RAP1GDS1: variants seen among roughly 807,000 people sequenced by gnomAD.
RAP1GDS1 encodes RAP1, GTP-GDP dissociation stimulator 1.
In RAP1GDS1, 35 loss-of-function variants were observed where a neutral mutation model predicts 71.1. The observed-to-expected ratio is 0.49, with a 90% confidence interval of 0.38 to 0.65. The LOEUF (loss-of-function observed/expected upper bound fraction) is 0.65, where lower values mean the gene tolerates loss of function less well. Among genes scored for constraint, RAP1GDS1 ranks in the 30% least tolerant of loss-of-function variants. The pLI, the probability that RAP1GDS1 is intolerant of heterozygous loss-of-function variation, is 0.00. For synonymous variants in RAP1GDS1, 229 were observed against 243.1 expected, an observed-to-expected ratio of 0.94 and a Z score of 0.54; for missense variants, 663 against 706.1, an observed-to-expected ratio of 0.94 and a Z score of 0.69.
chr4:98,296,202 G>A (rs1387541786), intron 2 of RAP1GDS1, among the ~76,000 whole-genome samples: 1 of 151,912 alleles, frequency 6.6e-6, no homozygotes, highest in Non-Finnish European at 1.5e-5. Flanking sequence ...TGTATGTAAT[G>A]GAAATATAAA....
At chr4:98,440,479 A>G (rs1292700921) in intron 14 of RAP1GDS1, among the ~76,000 whole-genome samples, 2 of 152,174 alleles carry the variant, frequency 1.3e-5, no homozygotes, top group Non-Finnish European at 2.9e-5. Flanking sequence ...AGCAGTACAC[A>G]TGGATTATCA....
At chr4:98,388,969 T>C (rs1743190239) in intron 5 of RAP1GDS1, among the ~76,000 whole-genome samples, 2 of 152,116 alleles carry the variant, frequency 1.3e-5, no homozygotes, top group Admixed American at 1.3e-4. Context: ...TTATGAAAAA[T>C]ATTTTCCCAA....
At chr4:98,268,052 A>G (rs548711384) in intron 1 of RAP1GDS1, among the ~76,000 whole-genome samples, 1 of 152,282 alleles carries the variant, frequency 6.6e-6, no homozygotes, top group Admixed American at 6.5e-5. Context: ...AGCCATTCTG[A>G]CTGGTGTGAA....
chr4:98,336,142 T>G (rs1260400534), intron 2 of RAP1GDS1, among the ~76,000 whole-genome samples: 1 of 152,190 alleles, frequency 6.6e-6, no homozygotes, highest in Non-Finnish European at 1.5e-5. Flanking sequence ...CTCATTCTCT[T>G]AGTCTGCAGT....
chr4:98,270,701 C>T (rs1409204603), intron 1 of RAP1GDS1, among the ~76,000 whole-genome samples: 1 of 151,506 alleles, frequency 6.6e-6, no homozygotes, highest in Non-Finnish European at 1.5e-5. Context: ...ATTTGAACAG[C>T]GCAGTTCCAC....
intron 1 of RAP1GDS1, among the ~76,000 whole-genome samples, chr4:98,292,244 C>T (rs1172812919): frequency 6.6e-6 from 1 of 151,862 alleles, no homozygotes; most frequent in Non-Finnish European, 1.5e-5. Context: ...CCTCCCACTG[C>T]AGCCTCCTGA....
intron 2 of RAP1GDS1, among the ~76,000 whole-genome samples, chr4:98,321,773 T>G (rs769715184): frequency 0.15 from 18,369 of 123,004 alleles, 2,294 homozygotes; most frequent in African/African-American, 0.35. Context: ...AAGGAAGCGC[T>G]AAACATGGAA....
intron 1 of RAP1GDS1, among the ~76,000 whole-genome samples, chr4:98,283,853 G>T (rs115257436): frequency 0.011 from 1,534 of 142,274 alleles, 25 homozygotes; most frequent in African/African-American, 0.039. Flanking sequence ...CACTAATTCA[G>T]ATACATAGAC....
At chr4:98,345,184 A>T (rs905926863) in intron 3 of RAP1GDS1, among the ~76,000 whole-genome samples, 31 of 152,158 alleles carry the variant, frequency 2.0e-4, no homozygotes, top group African/African-American at 7.5e-4. Context: ...GCAACCTGAC[A>T]CAACATAGTA....
intron 2 of RAP1GDS1, among the ~76,000 whole-genome samples, chr4:98,312,699 G>A (rs1028913218): frequency 6.6e-6 from 1 of 151,984 alleles, no homozygotes; most frequent in Non-Finnish European, 1.5e-5. Flanking sequence ...GTGTGTATGT[G>A]TATGTTTGTG....
intron 6 of RAP1GDS1, among the ~76,000 whole-genome samples, chr4:98,395,227 CTA>C (rs552820579): frequency 6.6e-6 from 1 of 151,842 alleles, no homozygotes; most frequent in African/African-American, 2.4e-5. Flanking sequence ...GTTATTTTTA[CTA>C]TATATATAAT....
chr4:98,325,488 C>T (rs1467083784), intron 2 of RAP1GDS1, among the ~76,000 whole-genome samples: 4 of 151,764 alleles, frequency 2.6e-5, no homozygotes, highest in Non-Finnish European at 5.9e-5. Flanking sequence ...TTTATTGTGG[C>T]ATTATTCACA....
At chr4:98,298,815 G>T (rs1560793554) in intron 2 of RAP1GDS1, among the ~76,000 whole-genome samples, 1 of 152,070 alleles carries the variant, frequency 6.6e-6, no homozygotes, top group Non-Finnish European at 1.5e-5. Flanking sequence ...TTCTTTGGTG[G>T]ATTTGGGCAA....
At chr4:98,290,753 T>A (rs1726804075) in intron 1 of RAP1GDS1, among the ~76,000 whole-genome samples, 1 of 152,132 alleles carries the variant, frequency 6.6e-6, no homozygotes, top group Admixed American at 6.6e-5. Context: ...CATCAGGTTT[T>A]ATCCAAATGT....
intron 1 of RAP1GDS1, among the ~76,000 whole-genome samples, chr4:98,280,223 C>G (rs1316780433): frequency 6.6e-6 from 1 of 152,198 alleles, no homozygotes; most frequent in Non-Finnish European, 1.5e-5. Flanking sequence ...ACAGTCCCAC[C>G]AACAGTGTAA....
intron 1 of RAP1GDS1, among the ~76,000 whole-genome samples, chr4:98,289,554 C>CAAAAAAAAAAAAAAAAAAAAAAA (rs6148589): frequency 9.8e-6 from 1 of 101,988 alleles, no homozygotes; most frequent in Non-Finnish European, 2.0e-5. Flanking sequence ...CTCTGGTAAA[C>CAAAAAAAAAAAAAAAAAAAAAAA]AAAAAAAAAA....
chr4:98,421,480 A>T (rs2110193743), intron 12 of RAP1GDS1, 86 bp downstream of exon 12: 4 of 1,288,118 alleles, frequency 3.1e-6, no homozygotes. Context: ...CAACTGGGAT[A>T]ATATTTACCT....
intron 7 of RAP1GDS1, among the ~76,000 whole-genome samples, chr4:98,408,102 A>G (rs987749376): frequency 7.1e-6 from 1 of 141,094 alleles, no homozygotes; most frequent in South Asian, 2.2e-4. Flanking sequence ...ATATATATAT[A>G]TATTTTTTTT....
intron 6 of RAP1GDS1, 113 bp downstream of exon 6, chr4:98,392,193 T>C: frequency 1.0e-6 from 1 of 988,684 alleles, no homozygotes; most frequent in Non-Finnish European, 1.4e-6. Context: ...TAGTTTATTT[T>C]TTGAAGCATT....
Sources: gnomAD v4.1 joint callset for allele counts (sites outside exome capture counted in the v4.1 genomes callset) on GRCh38, gnomAD v4.1.1 for gene constraint, MANE v1.5 for transcripts, NCBI Gene and HGNC (gene_info 2026-07-23, HGNC 2026-07-21) for gene names.